The following TLCD4 variants were observed in gnomAD, a reference collection of about 807,000 sequenced individuals.
The protein encoded by TLCD4 is TLC domain containing 4.
A neutral mutation model predicts 24.2 loss-of-function variants in TLCD4; 7 were observed. The observed-to-expected ratio is 0.29, with a 90% confidence interval of 0.16 to 0.54. The LOEUF is 0.54. Ranked by LOEUF, TLCD4 falls within the 20% of genes least tolerant of loss-of-function variation. The pLI is 0.95. For synonymous variants in TLCD4, 103 were observed against 106.4 expected (o/e 0.97, Z 0.20); for missense variants, 259 against 313.9 (o/e 0.82, Z 1.32).
At chr1:95,113,328 GAACCACCACACCTGGCCCCT>G (rs1676374248), upstream of TLCD4, among the ~76,000 whole-genome samples, 2 of 152,178 alleles carry the variant, frequency 1.3e-5, no homozygotes, top group Admixed American at 6.5e-5. Context: ...TTACAGGCAT[GAACCACCACACCTGGCCCCT>G]AATTGTTGAT....
intron 1 of TLCD4, chr1:95,120,228 C>T (rs1269755912): frequency 2.6e-5 from 4 of 152,172 alleles, no homozygotes; most frequent in Admixed American, 1.3e-4. Context: ...GCTGTATTCA[C>T]CTGGCATTGG....
chr1:95,121,835 T>C (rs1231243653), intron 1 of TLCD4, among the ~76,000 whole-genome samples: 1 of 152,216 alleles, frequency 6.6e-6, no homozygotes, highest in Non-Finnish European at 1.5e-5. Context: ...GAAGTATAGA[T>C]CTGTGATCAA....
chr1:95,153,008 T>C (rs1677535111), intron 5 of TLCD4, among the ~76,000 whole-genome samples: 1 of 151,182 alleles, frequency 6.6e-6, no homozygotes, highest in African/African-American at 2.4e-5. Flanking sequence ...TTGGAAAACA[T>C]TTAAACTTGA....
At position 95,144,035 on chromosome 1, in the gene TLCD4, A is replaced by G. The variant is rs1677283148; in HGVS notation, c.134A>G (p.Lys45Arg). Residue 45 changes from lysine to arginine, a missense_variant, in exon 2 of 7, where the codon AAG (lysine) becomes AGG (arginine). Physicochemically the swap from Lys to Arg is conservative, Grantham distance 26 (BLOSUM62 2). Coordinates refer to ENST00000370203, the MANE Select transcript of TLCD4 (RefSeq NM_152487.3). ...GGTTTCAATAGTCTCAGCTTCAAAA[A>G]GAAGATTGAATGGAACTCAAGGTAA... The part of the protein sequence containing the change: ...SPGFNSLSFK[K>R]KIEWNSRVVS... The G allele has an allele frequency of 1.3e-6, 2 of 1,541,612 alleles. No homozygotes were observed. The highest frequency in any genetic ancestry group is 1.7e-6 in the Non-Finnish European group (2 of 1,147,236).
the TLCD4 span, among the ~76,000 whole-genome samples, chr1:95,098,084 A>T: frequency 6.6e-6 from 1 of 152,210 alleles, no homozygotes; most frequent in East Asian, 1.9e-4. Flanking sequence ...GATATACAGT[A>T]TCAGATCTAT....
rs1429564791 is a variant in TLCD4, at chr1:95,145,386, A to T, written c.155+1330A>T. Reference sequence around the variant, plus strand: ...TCTACTTTTATGATTCAGACTGTGAATTTAATAAGACTCTAGTTGTTTTTT... The same window carrying T: ...TCTACTTTTATGATTCAGACTGTGATTTTAATAAGACTCTAGTTGTTTTTT... On this transcript the variant is annotated intron_variant, in intron 2 of 6. Transcript: ENST00000370203. Among the ~76,000 whole-genome samples the T allele has an allele frequency of 2.0e-5, 3 of 152,274 alleles. No individual in the cohort carries two copies. In the East Asian group the frequency reaches 5.8e-4, roughly 29 times the overall value.
intron 6 of TLCD4, among the ~76,000 whole-genome samples, chr1:95,176,339 A>C (rs1456860038): frequency 1.3e-5 from 2 of 151,204 alleles, no homozygotes; most frequent in Admixed American, 1.3e-4. Context: ...TTACAGGCAT[A>C]CACCACCATG....
In TLCD4 at chr1:95,192,680, A is replaced by G. The variant is rs959914753; in HGVS notation, c.*812A>G. ...CTTTTTCTCAGGCTATTCAGAAGTA[A>G]CAACATTTTTCATTTCAGACATGCA... On this transcript the variant is annotated 3_prime_UTR_variant, in exon 7 of 7. Transcript: ENST00000370203. The G allele has an allele frequency of 1.1e-4, 17 of 152,214 alleles. No individual in the cohort carries two copies. The highest frequency in any genetic ancestry group is 2.5e-4 in the Non-Finnish European group (17 of 68,024). The allele number at this position is 152,214 out of a possible 1,614,324, so 9.4% of individuals were successfully genotyped here. A position where few individuals can be genotyped will look rare whatever the true frequency, so the allele number is the denominator to read the frequency against.
the TLCD4 span, among the ~76,000 whole-genome samples, chr1:95,107,233 C>T: frequency 6.6e-6 from 1 of 152,114 alleles, no homozygotes; most frequent in Non-Finnish European, 1.5e-5. Flanking sequence ...ACCATCCTGG[C>T]TAACACGGTG....
chr1:95,144,107 A>T, intron 2 of TLCD4, 51 bp downstream of exon 2: 6 of 1,303,130 alleles, frequency 4.6e-6, no homozygotes, highest in Non-Finnish European at 5.9e-6. Context: ...TTATGAGATA[A>T]AATTATTTAA....
chr1:95,100,617 A>G, the TLCD4 span, among the ~76,000 whole-genome samples: 2 of 150,924 alleles, frequency 1.3e-5, no homozygotes, highest in Non-Finnish European at 3.0e-5. Context: ...AAAATTCTAC[A>G]TTGTTTAGAG....
At chr1:95,168,668 C>T (rs1388449548) in intron 5 of TLCD4, among the ~76,000 whole-genome samples, 1 of 150,064 alleles carries the variant, frequency 6.7e-6, no homozygotes, top group Non-Finnish European at 1.5e-5. Flanking sequence ...TGAACCACCA[C>T]CTCCAGCCAA....
chr1:95,179,434 T>A (rs148135093), intron 6 of TLCD4, among the ~76,000 whole-genome samples: 1 of 152,312 alleles, frequency 6.6e-6, no homozygotes, highest in East Asian at 1.9e-4. Context: ...CATGATTGCT[T>A]TAACTCTACC....
At chr1:95,144,180 G>C in intron 2 of TLCD4, 124 bp downstream of exon 2, 1 of 1,139,990 alleles carries the variant, frequency 8.8e-7, no homozygotes, top group Non-Finnish European at 1.1e-6. Context: ...TTTGATCTTA[G>C]AAATAAAAGG....
At chr1:95,092,710 C>T in the TLCD4 span, among the ~76,000 whole-genome samples, 3 of 151,832 alleles carry the variant, frequency 2.0e-5, no homozygotes, top group African/African-American at 4.8e-5. Flanking sequence ...ACTCCAGACG[C>T]GCCACCTTAA....
rs1220780262 is a variant in TLCD4, at chr1:95,152,810, G to A, written c.399+1391G>A. On this transcript the variant is annotated intron_variant, in intron 5 of 6. Transcript: ENST00000370203. ...ACTAATTATCAAATAAACCTGACAAGCTGATCTCTTATTCTAAGAGAAATG... is the reference window on the plus strand; with the variant it reads ...ACTAATTATCAAATAAACCTGACAAACTGATCTCTTATTCTAAGAGAAATG... Among the ~76,000 whole-genome samples, 4 of 152,118 alleles carry A rather than the reference G, an allele frequency of 2.6e-5. No individual in the cohort carries two copies. The East Asian group carries it at 7.7e-4, about 29-fold the overall frequency.
Position 95,194,288 on chromosome 1 carries a change from T to C in TLCD4, c.*2420T>C, listed in dbSNP as rs951450552. ...ATATCCTGAAGTAGGTTCTATATAT[T>C]TCCTCATACAACAGACATGGAATGG... is the stretch of plus-strand genomic sequence containing the variant. On this transcript the variant is annotated 3_prime_UTR_variant, in exon 7 of 7. Transcript: ENST00000370203. The C allele has an allele frequency of 3.3e-5, 5 of 152,126 alleles. No individual in the cohort carries two copies. Among genetic ancestry groups the C allele is most frequent in the African/African-American group, 1.2e-4 (5 of 41,440 alleles). 9.4% of individuals were successfully genotyped at this position (152,126 alleles called of 1,614,324 possible). A position where few individuals can be genotyped will look rare whatever the true frequency, so the allele number is the denominator to read the frequency against.
chr1:95,136,566 A>G (rs532218755), intron 1 of TLCD4, among the ~76,000 whole-genome samples: 2 of 152,306 alleles, frequency 1.3e-5, no homozygotes, highest in South Asian at 2.1e-4. Context: ...AAATTGTATA[A>G]AATATCAAGA....
chr1:95,190,688 C>T (rs1010869588), intron 6 of TLCD4, among the ~76,000 whole-genome samples: 1 of 152,186 alleles, frequency 6.6e-6, no homozygotes, highest in Admixed American at 6.5e-5. Context: ...TCCCAAAGTG[C>T]TGGGATTACA....
Sources: gnomAD v4.1 joint callset for allele counts (sites outside exome capture counted in the v4.1 genomes callset) on GRCh38, gnomAD v4.1.1 for gene constraint, MANE v1.5 for transcripts, NCBI Gene and HGNC (gene_info 2026-07-23, HGNC 2026-07-21) for gene names.